The following GUCY2F variants were observed in gnomAD, a reference collection of about 807,000 sequenced individuals.
GUCY2F encodes the protein guanylate cyclase 2F, retinal.
A neutral mutation model predicts 73.1 loss-of-function variants in GUCY2F; 61 were observed. That is an observed-to-expected ratio of 0.83 (90% confidence interval 0.68 to 1.03). GUCY2F has a LOEUF of 1.03. GUCY2F is among the 50% of genes least tolerant of loss of function. The pLI is 0.00. For synonymous variants in GUCY2F, 331 were observed against 307.8 expected, an observed-to-expected ratio of 1.08 and a Z score of -0.79; for missense variants, 912 against 854.3, an observed-to-expected ratio of 1.07 and a Z score of -0.84.
intron 1 of GUCY2F, among the ~76,000 whole-genome samples, chrX:109,479,833 T>C (rs998160901): frequency 9.0e-6 from 1 of 110,844 alleles, no homozygotes; most frequent in Non-Finnish European, 1.9e-5. Context: ...CTTATTATCA[T>C]TAATAACAAA....
intron 8 of GUCY2F, among the ~76,000 whole-genome samples, chrX:109,411,715 A>G (rs1915498669): frequency 8.9e-6 from 1 of 112,000 alleles, no homozygotes; most frequent in Non-Finnish European, 1.9e-5. Flanking sequence ...ACAGTTGTAT[A>G]TTCAGGGTTT....
At chrX:109,394,498 C>T (rs867908638) in intron 12 of GUCY2F, among the ~76,000 whole-genome samples, 141 of 111,982 alleles carry the variant, frequency 1.3e-3, no homozygotes, top group Middle Eastern at 4.6e-3. Flanking sequence ...TTTCTTTCCG[C>T]CTCAGATACC....
At chrX:109,409,301 T>C in intron 8 of GUCY2F, 133 bp from the exon 9 acceptor site, 2 of 436,012 alleles carry the variant, frequency 4.6e-6, no homozygotes, top group Non-Finnish European at 8.0e-6. Context: ...ACTCCCATGA[T>C]GATCTCCAAC....
At chrX:109,471,366 G>A (rs1476277497) in intron 2 of GUCY2F, among the ~76,000 whole-genome samples, 1 of 112,557 alleles carries the variant, frequency 8.9e-6, no homozygotes, top group African/African-American at 3.2e-5. Context: ...CTAAAGAGCT[G>A]CAGGTAGGGC....
chrX:109,405,308 A>G lies in GUCY2F; in HGVS notation c.1969-824T>C, dbSNP rs73530214. Among the ~76,000 whole-genome samples the G allele has an allele frequency of 9.9e-3, 1,108 of 112,073 alleles. 13 individuals are homozygous for G. The highest frequency in any genetic ancestry group is 0.034 in the African/African-American group (1,040 of 30,869). On this transcript the variant is annotated intron_variant, in intron 9 of 19. Coordinates refer to ENST00000218006, the MANE Select transcript of GUCY2F (RefSeq NM_001522.3). The stretch of plus-strand genomic sequence containing the variant: ...TAACTTTGAGGGGGAGTATGAAGAA[A>G]GAGGGTTGAGTAAATGCGAGTATTT...
chrX:109,438,323 C>T (rs1430891071), intron 7 of GUCY2F, among the ~76,000 whole-genome samples: 1 of 112,054 alleles, frequency 8.9e-6, no homozygotes, highest in Non-Finnish European at 1.9e-5. Context: ...TGCATTAAGC[C>T]TCTTTTATAA....
At chrX:109,423,378 G>A (rs1931410700) in intron 8 of GUCY2F, among the ~76,000 whole-genome samples, 1 of 110,886 alleles carries the variant, frequency 9.0e-6, no homozygotes, top group South Asian at 3.8e-4. Context: ...ATAGAGAAAT[G>A]ATATGGGCAT....
At chrX:109,454,102 C>T (rs1424955380) in intron 3 of GUCY2F, among the ~76,000 whole-genome samples, 2 of 111,223 alleles carry the variant, frequency 1.8e-5, no homozygotes, top group Non-Finnish European at 3.8e-5. Context: ...ATGAGCAAAC[C>T]AAGTCATACA....
At chrX:109,468,654 G>A (rs1048435363) in intron 2 of GUCY2F, among the ~76,000 whole-genome samples, 2 of 111,326 alleles carry the variant, frequency 1.8e-5, no homozygotes, top group Non-Finnish European at 1.9e-5. Flanking sequence ...CAAAGGGTCC[G>A]AATTTTTATA....
chrX:109,427,004 G>C, intron 8 of GUCY2F, among the ~76,000 whole-genome samples: 1 of 111,903 alleles, frequency 8.9e-6, no homozygotes, highest in South Asian at 3.8e-4. Context: ...AATGGCATTA[G>C]CCTCAAAAGC....
intron 8 of GUCY2F, among the ~76,000 whole-genome samples, chrX:109,423,900 G>A (rs1194065780): frequency 9.1e-6 from 1 of 110,427 alleles, no homozygotes; most frequent in East Asian, 2.8e-4. Context: ...TAAGAATATA[G>A]ATCAATGGGA....
chrX:109,385,612 A>G (rs767585410), intron 15 of GUCY2F, among the ~76,000 whole-genome samples: 2 of 111,826 alleles, frequency 1.8e-5, no homozygotes, highest in Non-Finnish European at 3.8e-5. Flanking sequence ...GGGTCCAAAC[A>G]TGTTTGTTGT....
chrX:109,406,927 G>T (rs1478188176), intron 9 of GUCY2F, among the ~76,000 whole-genome samples: 9 of 111,967 alleles, frequency 8.0e-5, no homozygotes, highest in Non-Finnish European at 7.5e-5. Flanking sequence ...TCCCAGTCTT[G>T]GGTATGTCTT....
At chrX:109,445,527 A>G (rs1931981285) in intron 6 of GUCY2F, among the ~76,000 whole-genome samples, 2 of 112,159 alleles carry the variant, frequency 1.8e-5, no homozygotes, top group South Asian at 3.7e-4. Flanking sequence ...GTCACAATTA[A>G]TAAACAAAAG....
chrX:109,458,642 C>G (rs991333592), intron 3 of GUCY2F, among the ~76,000 whole-genome samples: 4 of 110,837 alleles, frequency 3.6e-5, no homozygotes, highest in African/African-American at 1.3e-4. Context: ...AAAAACTGTT[C>G]TCCTTCATTG....
At chrX:109,418,148 G>C (rs986594215) in intron 8 of GUCY2F, among the ~76,000 whole-genome samples, 3 of 111,429 alleles carry the variant, frequency 2.7e-5, no homozygotes, top group African/African-American at 9.7e-5. Context: ...ACATTTACTA[G>C]CACACCAATA....
chrX:109,454,041 T>A (rs1306950296), intron 3 of GUCY2F, among the ~76,000 whole-genome samples, 182 bp from the exon 4 acceptor site: 1 of 111,045 alleles, frequency 9.0e-6, no homozygotes, highest in Non-Finnish European at 1.9e-5. Flanking sequence ...TTTTCTGTTT[T>A]TTTTTCCCCC....
At chrX:109,444,037 T>A (rs934086966) in intron 6 of GUCY2F, among the ~76,000 whole-genome samples, 5 of 111,791 alleles carry the variant, frequency 4.5e-5, no homozygotes, top group Non-Finnish European at 9.4e-5. Context: ...CAAGGCATGT[T>A]GAGTATGGCA....
chrX:109,434,708 A>T (rs776250522), intron 7 of GUCY2F, among the ~76,000 whole-genome samples: 4,535 of 109,609 alleles, frequency 0.041, 286 homozygotes, highest in African/African-American at 0.14. Context: ...GCCCATGCCT[A>T]TGTCCTGAAT....
Sources: gnomAD v4.1 joint callset for allele counts (sites outside exome capture counted in the v4.1 genomes callset) on GRCh38, gnomAD v4.1.1 for gene constraint, MANE v1.5 for transcripts, NCBI Gene and HGNC (gene_info 2026-07-23, HGNC 2026-07-21) for gene names.